FSIP2: variants seen among roughly 807,000 people sequenced by gnomAD.
The protein encoded by FSIP2 is fibrous sheath interacting protein 2.
A neutral mutation model predicts 510.5 loss-of-function variants in FSIP2; 367 were observed. The observed-to-expected ratio is 0.72, with a 90% CI of 0.66 to 0.78. FSIP2 has a LOEUF of 0.78. Ranked by LOEUF, FSIP2 falls within the 30% of genes least tolerant of loss-of-function variation. FSIP2 has a pLI of 0.00. For synonymous variants in FSIP2, 2,601 were observed against 2,732.2 expected (o/e 0.95, Z 1.50); for missense variants, 7,594 against 7,901.7 (o/e 0.96, Z 1.48).
chr2:185,818,515 A>G (rs1279758175), intron 19 of FSIP2, among the ~76,000 whole-genome samples: 1 of 151,990 alleles, frequency 6.6e-6, no homozygotes, highest in Non-Finnish European at 1.5e-5. Context: ...TATCATATCA[A>G]GACACATAAT....
chr2:185,793,660 T>G lies in FSIP2; in HGVS notation c.6524T>G (p.Ile2175Arg). 6.5e-7 allele frequency: 1 copy of G among 1,534,818 alleles called. No individual in the cohort carries two copies. Among genetic ancestry groups the G allele is most frequent in the Non-Finnish European group, 8.7e-7 (1 of 1,145,858 alleles). Residue 2175 changes from isoleucine to arginine, a missense_variant, in exon 16 of 23, where the codon ATA (isoleucine) becomes AGA (arginine). By Grantham distance (97) the Ile-to-Arg change is moderately conservative. Transcript: ENST00000424728. ...CTCAGTTCTGCTGCCACGCTTGTCA[T>G]AAATGCAAAGAATCCTACTTCTGCA... ...HNLSSAATLV[I>R]NAKNPTSARL...
chr2:185,789,681 A>C lies in FSIP2; in HGVS notation c.2545A>C (p.Asn849His). 6.5e-7 allele frequency: 1 copy of C among 1,534,044 alleles called. No homozygotes were observed. Among genetic ancestry groups the C allele is most frequent in the Non-Finnish European group, 8.7e-7 (1 of 1,145,692 alleles). The change falls in exon 16 of 23, where the codon AAT becomes CAT. Residue 849 changes from asparagine to histidine, a missense_variant. By Grantham distance (68) the Asn-to-His change is moderately conservative. Coordinates refer to ENST00000424728, the MANE Select transcript of FSIP2 (RefSeq NM_173651.4). ...QNEFLHLKDT[N>H]KLSCQQHKTD... ...TGAATTTCTTCATCTTAAAGACACAAATAAGCTTTCCTGCCAGCAACATAA... is the reference window on the plus strand; with the variant it reads ...TGAATTTCTTCATCTTAAAGACACACATAAGCTTTCCTGCCAGCAACATAA...
Position 185,789,417 on chromosome 2 carries a change from A to G in FSIP2, c.2281A>G (p.Asn761Asp), listed in dbSNP as rs572472559. The G allele has an allele frequency of 1.1e-5, 17 of 1,534,828 alleles. No individual in the cohort carries two copies. The highest frequency in any genetic ancestry group is 1.5e-5 in the Non-Finnish European group (17 of 1,145,948). Residue 761 changes from asparagine (N) to aspartate (D), a missense_variant, in exon 16 of 23, where the codon AAT (asparagine) becomes GAT (aspartate). Physicochemically the swap from Asn to Asp is conservative, Grantham distance 23. Coordinates refer to ENST00000424728, the MANE Select transcript of FSIP2 (RefSeq NM_173651.4). ...IPSVASEIVE[N>D]MLEKLESAVE... Reference sequence around the variant, plus strand: ...CTCAGTTGCTTCTGAGATTGTGGAAAATATGCTTGAGAAGTTAGAGTCTGC... The same window carrying G: ...CTCAGTTGCTTCTGAGATTGTGGAAGATATGCTTGAGAAGTTAGAGTCTGC...
chr2:185,760,879 A>G, intron 9 of FSIP2, 109 bp from the exon 10 acceptor site: 1 of 516,096 alleles, frequency 1.9e-6, no homozygotes, highest in Non-Finnish European at 3.4e-6. Context: ...ACATATTTCC[A>G]AGTCAATTAA....
chr2:185,755,020 C>T (rs1167774848), intron 8 of FSIP2, among the ~76,000 whole-genome samples: 1 of 151,508 alleles, frequency 6.6e-6, no homozygotes, highest in East Asian at 1.9e-4. Context: ...TTCTCTGCCT[C>T]TCTGTATCCA....
chr2:185,762,111 AAT>A (rs1692364428), intron 11 of FSIP2, 94 bp downstream of exon 11: 2 of 592,000 alleles, frequency 3.4e-6, no homozygotes, highest in Non-Finnish European at 5.7e-6. Flanking sequence ...TGATTATAAA[AAT>A]ATGCTTATTC....
intron 19 of FSIP2, among the ~76,000 whole-genome samples, chr2:185,816,723 T>G (rs1693832037): frequency 6.6e-6 from 1 of 151,480 alleles, no homozygotes; most frequent in African/African-American, 2.4e-5. Flanking sequence ...GCTGGAATGG[T>G]CATGTGCACC....
Position 185,744,370 on chromosome 2 carries a change from A to C in FSIP2, c.436A>C (p.Ser146Arg). The change falls in exon 4 of 23, where the codon AGT becomes CGT. Residue 146 changes from serine (S) to arginine (R), a missense_variant. By Grantham distance (110) the Ser-to-Arg change is moderately radical. Transcript: ENST00000424728. ...ELNKYRQYLTSLKLDFERNYI... is the reference protein window; with the variant it reads ...ELNKYRQYLTRLKLDFERNYI... Reference sequence around the variant, plus strand: ...GAATAAGTACAGGCAATATCTTACCAGTTTAAAATTAGACTTTGAGAGAAA... The same window carrying C: ...GAATAAGTACAGGCAATATCTTACCCGTTTAAAATTAGACTTTGAGAGAAA... The C allele has an allele frequency of 7.9e-7, 1 of 1,266,922 alleles. No individual in the cohort carries two copies. 78.5% of individuals were successfully genotyped at this position (1,266,922 alleles called of 1,614,324 possible). A position where few individuals can be genotyped will look rare whatever the true frequency, so the allele number is the denominator to read the frequency against.
intron 7 of FSIP2, among the ~76,000 whole-genome samples, chr2:185,752,955 T>C (rs890318727): frequency 2.0e-5 from 3 of 151,392 alleles, no homozygotes; most frequent in Non-Finnish European, 3.0e-5. Flanking sequence ...TTGGAAACAA[T>C]TTGATTGTAC....
At chr2:185,763,017 A>G (rs1477261525) in intron 11 of FSIP2, among the ~76,000 whole-genome samples, 166 bp from the exon 12 acceptor site, 3 of 151,498 alleles carry the variant, frequency 2.0e-5, no homozygotes, top group African/African-American at 4.8e-5. Flanking sequence ...AAGACGTGTT[A>G]TTTTTGGAGA....
intron 13 of FSIP2, among the ~76,000 whole-genome samples, chr2:185,778,668 A>T (rs895545118): frequency 6.6e-6 from 1 of 151,960 alleles, no homozygotes; most frequent in Non-Finnish European, 1.5e-5. Context: ...AGCAAACATG[A>T]TTACTATTTA....
chr2:185,802,102 G>A lies in FSIP2; in HGVS notation c.12796G>A (p.Glu4266Lys). 9.1e-6 allele frequency: 14 copies of A among 1,533,434 alleles called. No homozygotes were observed. The highest frequency in any genetic ancestry group is 1.2e-5 in the Non-Finnish European group (14 of 1,145,156). The allele number at this position is 1,533,434 out of a possible 1,614,324, so 95.0% of individuals were successfully genotyped here. A position where few individuals can be genotyped will look rare whatever the true frequency, so the allele number is the denominator to read the frequency against. The change falls in exon 17 of 23, where the codon GAG (glutamate) becomes AAG (lysine). Residue 4266 changes from glutamate (E) to lysine (K), a missense_variant. Glu to Lys is a moderately conservative substitution (Grantham distance 56). Coordinates refer to ENST00000424728, the MANE Select transcript of FSIP2 (RefSeq NM_173651.4). ...ENHLQPFLSG[E>K]VLCHPRTPLD... ...TCATCTTCAACCATTTTTGAGTGGA[G>A]AGGTTTTATGTCATCCAAGGACTCC...
chr2:185,806,142 T>C lies in FSIP2; in HGVS notation c.16836T>C (p.Ile5612=), dbSNP rs747591337. The change falls in exon 17 of 23, where the codon ATT becomes ATC. Residue 5612 remains isoleucine, a synonymous_variant. Transcript: ENST00000424728. ...CTGAAATAGGCTATAAAAAGAAGATTGACAATGCAAGGGAAAGCTCATTTA... is the reference window on the plus strand; with the variant it reads ...CTGAAATAGGCTATAAAAAGAAGATCGACAATGCAAGGGAAAGCTCATTTA... ...SDSEIGYKKK[I]DNARESSFKK... 4 of 1,576,020 alleles carry C rather than the reference T, an allele frequency of 2.5e-6. No homozygotes were observed. The highest frequency in any genetic ancestry group is 3.4e-6 in the Non-Finnish European group (4 of 1,167,938).
chr2:185,791,744 A>T lies in FSIP2; in HGVS notation c.4608A>T (p.Ile1536=), dbSNP rs1425544069. The T allele has an allele frequency of 7.2e-6, 11 of 1,534,540 alleles. No individual in the cohort carries two copies. The highest frequency in any genetic ancestry group is 9.6e-6 in the Non-Finnish European group (11 of 1,145,734). ...IIEKMAKSTK[I]ISSIVSRRVQ... is the part of the protein sequence containing the mutation. ...AGAAAATGGCCAAATCCACCAAAAT[A>T]ATCTCCAGCATAGTTTCCAGAAGGG... The change falls in exon 16 of 23, where the codon ATA becomes ATT. Residue 1536 remains isoleucine, a synonymous_variant. Transcript: ENST00000424728.
intron 13 of FSIP2, among the ~76,000 whole-genome samples, chr2:185,773,644 TGA>T (rs1692657007): frequency 6.6e-6 from 1 of 152,210 alleles, no homozygotes; most frequent in Non-Finnish European, 1.5e-5. Flanking sequence ...TCTCAGATAA[TGA>T]GTTATTTTAC....
At position 185,807,846 on chromosome 2, in the gene FSIP2, A is replaced by T. The variant is rs377665084; in HGVS notation, c.18540A>T (p.Glu6180Asp). 5.0e-6 allele frequency: 8 copies of T among 1,611,184 alleles called. No individual in the cohort carries two copies. The highest frequency in any genetic ancestry group is 6.8e-6 in the Non-Finnish European group (8 of 1,178,906). ...ATAAGCTGTCTTATAACATAATAGA[A>T]GAAATTGCTGTGAAATTTTTATCAA... ...HADKLSYNII[E>D]EIAVKFLSKL... is the part of the protein sequence containing the mutation. Residue 6180 changes from glutamate (E) to aspartate (D), a missense_variant, in exon 17 of 23, where the codon GAA becomes GAT. Coordinates refer to ENST00000424728, the MANE Select transcript of FSIP2 (RefSeq NM_173651.4).
intron 2 of FSIP2, among the ~76,000 whole-genome samples, chr2:185,740,107 C>T (rs1011435302): frequency 2.6e-5 from 4 of 152,178 alleles, no homozygotes; most frequent in African/African-American, 9.7e-5. Flanking sequence ...TCTTTCACAC[C>T]TACCCATAAA....
In FSIP2 at chr2:185,801,958, T is replaced by A; in HGVS notation, c.12652T>A (p.Tyr4218Asn). 2.6e-6 allele frequency: 4 copies of A among 1,523,152 alleles called. No homozygotes were observed. The South Asian group carries it at 4.8e-5, about 18-fold the overall frequency. The allele number at this position is 1,523,152 out of a possible 1,614,324, so 94.4% of individuals were successfully genotyped here. The change falls in exon 17 of 23, where the codon TAT (tyrosine) becomes AAT (asparagine). Residue 4218 changes from tyrosine to asparagine, a missense_variant. Transcript: ENST00000424728. ...KNLQKMVDSV[Y>N]CNILQMSDSL... ...CCTCCAAAAGATGGTGGATTCTGTA[T>A]ATTGTAATATTTTGCAAATGTCTGA...
chr2:185,739,078 C>A (rs1192250320), intron 1 of FSIP2, 85 bp downstream of exon 1: 42 of 1,419,862 alleles, frequency 3.0e-5, no homozygotes, highest in Non-Finnish European at 3.7e-5. Flanking sequence ...ACACACGGGT[C>A]GCGAGGCTCC....
Sources: allele counts gnomAD v4.1 joint callset (sites outside exome capture counted in the v4.1 genomes callset), GRCh38; gene constraint gnomAD v4.1.1; transcripts MANE v1.5; gene names NCBI Gene and HGNC (gene_info 2026-07-23, HGNC 2026-07-21).